The following DOCK4 variants were observed in gnomAD, a reference collection of about 807,000 sequenced individuals.
DOCK4 encodes dedicator of cytokinesis protein 4.
In DOCK4, 97 loss-of-function variants were observed where a neutral mutation model predicts 268.1. The ratio of observed to expected loss-of-function variants is 0.36; its 90% CI spans 0.31 to 0.43. The LOEUF is 0.43. DOCK4 is among the 20% of genes least tolerant of loss of function. The pLI is 1.00. For missense variants in DOCK4, 2,145 were observed against 2,455.7 expected (o/e 0.87, Z 2.67); for synonymous variants, 954 against 887.2 (o/e 1.08, Z -1.34).
At chr7:112,171,537 G>A (rs1054945890) in intron 1 of DOCK4, among the ~76,000 whole-genome samples, 3 of 150,894 alleles carry the variant, frequency 2.0e-5, no homozygotes, top group Admixed American at 6.6e-5. Context: ...TTACATAGGT[G>A]TACTCTATAC....
At chr7:112,199,936 A>G (rs979459473) in intron 1 of DOCK4, among the ~76,000 whole-genome samples, 1 of 152,268 alleles carries the variant, frequency 6.6e-6, no homozygotes, top group African/African-American at 2.4e-5. Flanking sequence ...TCCATCTTTA[A>G]TAAGAAATAC....
intron 23 of DOCK4, among the ~76,000 whole-genome samples, chr7:111,851,294 A>C (rs1470008639): frequency 6.6e-6 from 1 of 152,062 alleles, no homozygotes; most frequent in East Asian, 1.9e-4. Context: ...AATACAAAAA[A>C]TTAGCTGGGC....
chr7:111,748,127 A>G (rs1308934421), intron 42 of DOCK4, among the ~76,000 whole-genome samples: 1 of 152,212 alleles, frequency 6.6e-6, no homozygotes, highest in East Asian at 1.9e-4. Flanking sequence ...TGTCATTGGG[A>G]CTGCTATTGC....
chr7:111,758,527 C>G, intron 41 of DOCK4, 97 bp downstream of exon 41: 1 of 1,362,894 alleles, frequency 7.3e-7, no homozygotes, highest in Non-Finnish European at 1.0e-6. Context: ...GTTTCTGTCA[C>G]TTGACACTAT....
intron 8 of DOCK4, among the ~76,000 whole-genome samples, chr7:111,950,439 C>CT (rs1364514238): frequency 6.6e-6 from 1 of 152,170 alleles, no homozygotes; most frequent in East Asian, 1.9e-4. Flanking sequence ...ATCATTTAGA[C>CT]TTTTTTCCTA....
At chr7:112,196,584 C>T (rs17159346) in intron 1 of DOCK4, among the ~76,000 whole-genome samples, 2,593 of 152,094 alleles carry the variant, frequency 0.017, 38 homozygotes, top group Non-Finnish European at 0.025. Context: ...CAGATGCTTC[C>T]GGCAGTAAAT....
At chr7:112,164,410 AT>A (rs1817405594) in intron 1 of DOCK4, among the ~76,000 whole-genome samples, 1 of 152,242 alleles carries the variant, frequency 6.6e-6, no homozygotes, top group South Asian at 2.1e-4. Context: ...AAGTCTGCAT[AT>A]AACCATATTA....
intron 22 of DOCK4, among the ~76,000 whole-genome samples, chr7:111,863,884 G>T (rs1369748395): frequency 6.6e-6 from 1 of 152,128 alleles, no homozygotes; most frequent in East Asian, 1.9e-4. Flanking sequence ...GCTCAACCAA[G>T]ACCTGGATTG....
At chr7:111,752,796 T>A (rs1796759836) in intron 42 of DOCK4, among the ~76,000 whole-genome samples, 1 of 151,844 alleles carries the variant, frequency 6.6e-6, no homozygotes, top group South Asian at 2.1e-4. Flanking sequence ...CCATGTTGGT[T>A]AGGCTGGTCT....
intron 51 of DOCK4, chr7:111,732,658 G>A: frequency 4.7e-6 from 1 of 212,994 alleles, no homozygotes; most frequent in South Asian, 8.6e-5. Context: ...GCAGTTCTTG[G>A]GGAACAGCTG....
chr7:111,798,508 A>G (rs1563520021), intron 30 of DOCK4, among the ~76,000 whole-genome samples: 1 of 152,226 alleles, frequency 6.6e-6, no homozygotes. Flanking sequence ...GGTTGCAGTT[A>G]AAAGGACCTA....
At chr7:112,013,844 G>C (rs1199752079) in intron 1 of DOCK4, among the ~76,000 whole-genome samples, 1 of 145,084 alleles carries the variant, frequency 6.9e-6, no homozygotes, top group East Asian at 1.9e-4. Flanking sequence ...CTCAAGGAAG[G>C]CTTAGCCTGT....
At chr7:112,142,977 T>G (rs1320177424) in intron 1 of DOCK4, among the ~76,000 whole-genome samples, 2 of 152,154 alleles carry the variant, frequency 1.3e-5, no homozygotes, top group South Asian at 2.1e-4. Flanking sequence ...TGTGTCTTTT[T>G]ATGAATAAGT....
intron 13 of DOCK4, among the ~76,000 whole-genome samples, chr7:111,914,248 T>C (rs1325983076): frequency 1.3e-5 from 2 of 152,144 alleles, no homozygotes; most frequent in Non-Finnish European, 2.9e-5. Context: ...CTCAACACCA[T>C]GATCACCACT....
intron 12 of DOCK4, among the ~76,000 whole-genome samples, chr7:111,927,748 G>A (rs899834411): frequency 6.6e-6 from 1 of 152,108 alleles, no homozygotes; most frequent in African/African-American, 2.4e-5. Flanking sequence ...TGTGTATAGA[G>A]CATAGTGATG....
intron 1 of DOCK4, among the ~76,000 whole-genome samples, chr7:112,045,961 A>C (rs1297364661): frequency 6.6e-6 from 1 of 152,238 alleles, no homozygotes; most frequent in African/African-American, 2.4e-5. Flanking sequence ...AATGGAGTGG[A>C]AAGAATGCAA....
Position 111,944,744 on chromosome 7 carries a change from T to C in DOCK4, c.844+67A>G, listed in dbSNP as rs10280459. 7.5e-4 allele frequency: 1,064 copies of C among 1,421,802 alleles called. 6 individuals are homozygous for C. In the African/African-American group the frequency reaches 0.013, roughly 17 times the overall value. 88.1% of individuals were successfully genotyped at this position (1,421,802 alleles called of 1,614,324 possible). A position where few individuals can be genotyped will look rare whatever the true frequency, so the allele number is the denominator to read the frequency against. ...CAGACAGCAATAAATCACAACAACA[T>C]AGAAACCTCTTGGCATTTCTCCTCT... On this transcript the variant is annotated intron_variant, in intron 10 of 52. Transcript: ENST00000428084.
rs749606844 is a variant in DOCK4 at position 111,900,385 on chromosome 7, C to T, written c.1469G>A (p.Arg490Gln). 7.4e-6 allele frequency: 12 copies of T among 1,612,742 alleles called. No individual in the cohort carries two copies. Among genetic ancestry groups the T allele is most frequent in the African/African-American group, 1.3e-5 (1 of 74,856 alleles). ...CACCAAACACTTACTGGAACAATGC[C>T]GAAACTCGAAGCGGATGTGTGCACC... is the stretch of plus-strand genomic sequence containing the variant. ...FRGAHIRFEF[R>Q]HCSTKEKGEK... Residue 490 changes from arginine to glutamine, a missense_variant, in exon 15 of 53, where the codon CGG becomes CAG. Around this residue, in one of 2 missense-constraint regions of DOCK4, gnomAD observed 1,598 missense variants for 1,986.7 expected, o/e 0.80. Coordinates refer to ENST00000428084, the MANE Select transcript of DOCK4 (RefSeq NM_001363540.2).
Position 111,739,230 on chromosome 7 carries a change from C to G in DOCK4, c.5136G>C (p.Leu1712Phe). 1 of 1,613,882 alleles carries G rather than the reference C, an allele frequency of 6.2e-7. No individual in the cohort carries two copies. The highest frequency in any genetic ancestry group is 8.5e-7 in the Non-Finnish European group (1 of 1,179,810). ...CTCGGGAATGTTTGTGTTTGTCAGA[C>G]AACAAAGGAGAAGCTGGGAAGAGAA... ...APSSARASPL[L>F]SDKHKHSREN... Residue 1712 changes from leucine (L) to phenylalanine (F), a missense_variant, in exon 49 of 53, where the codon TTG becomes TTC. By Grantham distance (22) the Leu-to-Phe change is conservative. Coordinates refer to ENST00000428084, the MANE Select transcript of DOCK4 (RefSeq NM_001363540.2).
Sources: gnomAD v4.1 joint callset for allele counts (sites outside exome capture counted in the v4.1 genomes callset) on GRCh38, gnomAD v4.1.1 for gene constraint, gnomAD v4.1.1 regional missense constraint, MANE v1.5 for transcripts, NCBI Gene and HGNC (gene_info 2026-07-23, HGNC 2026-07-21) for gene names.